CXADR: variants seen among roughly 807,000 people sequenced by gnomAD.
CXADR encodes the protein coxsackievirus and adenovirus receptor.
CXADR carries 20 observed loss-of-function variants against 40.3 expected under a neutral mutation model. The observed-to-expected ratio is 0.50, with a 90% CI of 0.35 to 0.72. CXADR has a LOEUF of 0.72. Ranked by LOEUF, CXADR falls within the 30% of genes least tolerant of loss-of-function variation. The pLI is 0.01. For synonymous variants in CXADR, 150 were observed against 161.3 expected (o/e 0.93, Z 0.53); for missense variants, 332 against 449.1 (o/e 0.74, Z 2.36).
intron 2 of CXADR, among the ~76,000 whole-genome samples, chr21:17,550,090 C>T (rs1274711291): frequency 6.6e-6 from 1 of 152,150 alleles, no homozygotes; most frequent in Non-Finnish European, 1.5e-5. Flanking sequence ...GGCACGGTAG[C>T]TCATGCCTGT....
At chr21:17,608,148 G>C in the CXADR span, among the ~76,000 whole-genome samples, 4 of 152,118 alleles carry the variant, frequency 2.6e-5, no homozygotes, top group African/African-American at 9.7e-5. Flanking sequence ...AGAAGATCGC[G>C]TGAGGCCAGG....
At chr21:17,559,809 G>A (rs2061089692) in intron 4 of CXADR, among the ~76,000 whole-genome samples, 1 of 151,086 alleles carries the variant, frequency 6.6e-6, no homozygotes, top group Non-Finnish European at 1.5e-5. Context: ...CTCCCGAGTA[G>A]CTGAGACTAC....
At chr21:17,515,972 A>G (rs1201285724) in intron 1 of CXADR, among the ~76,000 whole-genome samples, 1 of 152,188 alleles carries the variant, frequency 6.6e-6, no homozygotes, top group Non-Finnish European at 1.5e-5. Context: ...CTGGCTGCAG[A>G]TGGGACTCCT....
chr21:17,617,542 T>TG, the CXADR span, among the ~76,000 whole-genome samples: 1 of 152,214 alleles, frequency 6.6e-6, no homozygotes, highest in South Asian at 2.1e-4. Flanking sequence ...CACAATTAAG[T>TG]GAATATTGCA....
chr21:17,612,832 G>C, the CXADR span: 1 of 152,176 alleles, frequency 6.6e-6, no homozygotes, highest in Non-Finnish European at 1.5e-5. Context: ...CGGCGCGTGC[G>C]GCTCCCGCGT....
At chr21:17,598,634 C>G in the CXADR span, 2 of 1,613,806 alleles carry the variant, frequency 1.2e-6, no homozygotes, top group East Asian at 2.2e-5. Context: ...ACAGGACTTG[C>G]GGCTGCAGTC....
At chr21:17,583,774 A>T (rs150620603) in intron 7 of CXADR, among the ~76,000 whole-genome samples, 1 of 152,242 alleles carries the variant, frequency 6.6e-6, no homozygotes, top group Non-Finnish European at 1.5e-5. Flanking sequence ...ATTCAGCACT[A>T]TCCTAATGAT....
intron 1 of CXADR, among the ~76,000 whole-genome samples, chr21:17,536,177 A>G (rs548325910): frequency 7.2e-5 from 11 of 152,330 alleles, no homozygotes; most frequent in African/African-American, 2.6e-4. Context: ...CGTCTATAGA[A>G]TGAAGAATAC....
chr21:17,608,924 C>A, the CXADR span: 1 of 1,567,248 alleles, frequency 6.4e-7, no homozygotes, highest in South Asian at 1.2e-5. Context: ...GCCTTGAACC[C>A]ACCTCAGGGG....
chr21:17,585,684 AT>A (rs1011579013), intron 7 of CXADR, among the ~76,000 whole-genome samples: 13 of 151,876 alleles, frequency 8.6e-5, no homozygotes, highest in African/African-American at 2.9e-4. Context: ...CGCCCAGCTA[AT>A]TTTTTTGTAT....
the CXADR span, chr21:17,626,779 AGAACTGTTTGTT>A: frequency 1.3e-5 from 2 of 152,244 alleles, no homozygotes; most frequent in Admixed American, 6.5e-5. Context: ...AAAGCACTCA[AGAACTGTTTGTT>A]GAATTAATGA....
At chr21:17,605,080 G>A in the CXADR span, 106 of 1,446,230 alleles carry the variant, frequency 7.3e-5, no homozygotes, top group Non-Finnish European at 9.2e-5. Flanking sequence ...TTGCCAAGGT[G>A]AGTAATAAAA....
At chr21:17,532,976 A>G (rs971255588) in intron 1 of CXADR, among the ~76,000 whole-genome samples, 57 of 152,190 alleles carry the variant, frequency 3.7e-4, no homozygotes, top group Non-Finnish European at 7.8e-4. Context: ...AAATGTCTGC[A>G]TTTGTTGGGA....
downstream of CXADR, among the ~76,000 whole-genome samples, chr21:17,598,227 G>A (rs1044468335): frequency 6.6e-6 from 1 of 151,926 alleles, no homozygotes; most frequent in Non-Finnish European, 1.5e-5. Context: ...ATTTAGAGAG[G>A]TTTCTCTTTA....
At chr21:17,534,870 T>G (rs1024830085) in intron 1 of CXADR, among the ~76,000 whole-genome samples, 1 of 145,762 alleles carries the variant, frequency 6.9e-6, no homozygotes, top group African/African-American at 2.5e-5. Flanking sequence ...CTGCAGCCCC[T>G]GCCTCCCAGG....
chr21:17,514,209 T>G (rs1323018988), intron 1 of CXADR, among the ~76,000 whole-genome samples: 1 of 152,048 alleles, frequency 6.6e-6, no homozygotes, highest in Non-Finnish European at 1.5e-5. Context: ...AAGGGTAATT[T>G]TTTGTTGTTA....
chr21:17,566,351 T>C lies in CXADR; in HGVS notation c.*659T>C, dbSNP rs558365362. On this transcript the variant is annotated 3_prime_UTR_variant, in exon 7 of 7. Transcript: ENST00000284878. Reference sequence around the variant, plus strand: ...TAGACTGCTACAGGTAATAGGGACTTAGCAAGCTCTTTTATATGCTAAAGG... The same window carrying C: ...TAGACTGCTACAGGTAATAGGGACTCAGCAAGCTCTTTTATATGCTAAAGG... 1.9e-4 allele frequency: 184 copies of C among 984,494 alleles called. No homozygotes were observed. The African/African-American group carries it at 3.1e-3, about 17-fold the overall frequency. 61.0% of individuals were successfully genotyped at this position (984,494 alleles called of 1,614,324 possible). A position where few individuals can be genotyped will look rare whatever the true frequency, so the allele number is the denominator to read the frequency against.
chr21:17,575,626 G>T (rs1037662553), intron 7 of CXADR, among the ~76,000 whole-genome samples: 1 of 151,756 alleles, frequency 6.6e-6, no homozygotes. Flanking sequence ...AAGTAGCTGG[G>T]ACTACAGGTG....
chr21:17,587,111 GCCA>G (rs2061402778), intron 7 of CXADR, among the ~76,000 whole-genome samples: 1 of 152,156 alleles, frequency 6.6e-6, no homozygotes, highest in Non-Finnish European at 1.5e-5. Context: ...GTGTATATGT[GCCA>G]CATTTTCTTA....
Sources: allele counts gnomAD v4.1 joint callset (sites outside exome capture counted in the v4.1 genomes callset), GRCh38; gene constraint gnomAD v4.1.1; transcripts MANE v1.5; gene names NCBI Gene and HGNC (gene_info 2026-07-23, HGNC 2026-07-21).